SHROOM2: variants seen among roughly 807,000 people sequenced by gnomAD.
SHROOM2 encodes protein Shroom2.
SHROOM2 carries 33 observed loss-of-function variants against 75.9 expected under a neutral mutation model. The ratio of observed to expected loss-of-function variants is 0.43; its 90% CI spans 0.33 to 0.58. The LOEUF is 0.58. SHROOM2 is among the 20% of genes least tolerant of loss of function. The pLI, the probability that SHROOM2 is intolerant of heterozygous loss-of-function variation, is 0.04. For synonymous variants in SHROOM2, 655 were observed against 663.6 expected (o/e 0.99, Z 0.20); for missense variants, 1,434 against 1,461.2 (o/e 0.98, Z 0.30).
intron 8 of SHROOM2, among the ~76,000 whole-genome samples, chrX:9,939,900 C>T (rs928237327): frequency 4.5e-5 from 5 of 110,051 alleles, no homozygotes; most frequent in African/African-American, 1.3e-4. Flanking sequence ...AATTCTCCTA[C>T]CTCAGCCCCT....
chrX:9,942,224 C>T (rs1039318297), intron 8 of SHROOM2, among the ~76,000 whole-genome samples: 1 of 111,805 alleles, frequency 8.9e-6, no homozygotes, highest in African/African-American at 3.3e-5. Flanking sequence ...TAGGAAAAGG[C>T]ACAAACCACT....
At chrX:9,881,272 CAGTTAT>C (rs1234000915) in intron 2 of SHROOM2, among the ~76,000 whole-genome samples, 1 of 111,689 alleles carries the variant, frequency 9.0e-6, no homozygotes, top group Non-Finnish European at 1.9e-5. Context: ...CATTGGTCTG[CAGTTAT>C]AGTAAATGAC....
intron 1 of SHROOM2, among the ~76,000 whole-genome samples, chrX:9,788,140 T>C (rs1280789823): frequency 9.1e-6 from 1 of 110,421 alleles, no homozygotes; most frequent in Non-Finnish European, 1.9e-5. Context: ...CTCGAACTCC[T>C]CTGCCTCCCA....
intron 1 of SHROOM2, among the ~76,000 whole-genome samples, chrX:9,815,440 G>A (rs1432990166): frequency 1.9e-4 from 3 of 15,766 alleles, no homozygotes; most frequent in African/African-American, 5.2e-4. Context: ...TATTATGTGT[G>A]TGTGTGTGTG....
At chrX:9,920,103 ATCACTACAACTCATCAGACATCTCAAC>A (rs1465115044) in intron 5 of SHROOM2, among the ~76,000 whole-genome samples, 2 of 78,758 alleles carry the variant, frequency 2.5e-5, no homozygotes, top group African/African-American at 1.2e-4. Context: ...GACATCTCAA[ATCACTACAACTCATCAGACATCTCAAC>A]TCGCTACAAC....
chrX:9,939,191 C>T lies in SHROOM2; in HGVS notation c.4140-4C>T, dbSNP rs767597714. The T allele has an allele frequency of 1.3e-5, 15 of 1,197,113 alleles. No individual in the cohort carries two copies. The Admixed American group carries it at 3.4e-4, about 27-fold the overall frequency. On this transcript the variant is annotated splice_polypyrimidine_tract_variant and splice_region_variant and intron_variant, in intron 7 of 9. Coordinates refer to ENST00000380913, the MANE Select transcript of SHROOM2 (RefSeq NM_001649.4). ...CTCATTGAAGTTCCCACACCTTTAC[C>T]CAGGAAAGAGGAGCCCAGCGTGCCT...
rs778990126 is a variant in SHROOM2, at chrX:9,914,084, G to A, written c.2891+15794G>A. ...ACCCCCCTGCCCCCCCGCCCCTCCC[G>A]CCCCGATCACCACCAACCCAAACCA... On this transcript the variant is annotated intron_variant, in intron 5 of 9. Transcript: ENST00000380913. Among the ~76,000 whole-genome samples the A allele has an allele frequency of 6.3e-4, 9 of 14,287 alleles. No homozygotes were observed. The East Asian group carries it at 0.012, about 19-fold the overall frequency. The allele number at this position is 14,287 out of a possible 115,157, so 12.4% of individuals were successfully genotyped here. A position where few individuals can be genotyped will look rare whatever the true frequency, so the allele number is the denominator to read the frequency against.
chrX:9,875,004 C>T (rs1267128401), intron 2 of SHROOM2, among the ~76,000 whole-genome samples: 1 of 90,738 alleles, frequency 1.1e-5, no homozygotes, highest in African/African-American at 4.2e-5. Flanking sequence ...TTCTTTGAGC[C>T]TGGGAGGTCG....
chrX:9,873,681 C>T lies in SHROOM2; in HGVS notation c.195C>T (p.Val65=), dbSNP rs149912209. The T allele has an allele frequency of 1.5e-5, 18 of 1,209,825 alleles. No individual in the cohort carries two copies. The East Asian group carries it at 2.7e-4, about 18-fold the overall frequency. ...AAGAGGGCAGTAAAGCCGCGGCGGT[C>T]GACAAGTTACTGGCTGGAGATGAGA... ...KIEEGSKAAA[V]DKLLAGDEIV... The change falls in exon 2 of 10, where the codon GTC becomes GTT. Residue 65 remains valine (V), a synonymous_variant. Transcript: ENST00000380913.
In SHROOM2 at chrX:9,947,239, T is replaced by G; in HGVS notation, c.*302T>G. 2 of 307,533 alleles carry G rather than the reference T, an allele frequency of 6.5e-6. No individual in the cohort carries two copies. The highest frequency in any genetic ancestry group is 1.1e-5 in the Non-Finnish European group (2 of 178,090). 25.3% of individuals were successfully genotyped at this position (307,533 alleles called of 1,213,427 possible). A position where few individuals can be genotyped will look rare whatever the true frequency, so the allele number is the denominator to read the frequency against. On this transcript the variant is annotated 3_prime_UTR_variant, in exon 10 of 10. Coordinates refer to ENST00000380913, the MANE Select transcript of SHROOM2 (RefSeq NM_001649.4). The stretch of plus-strand genomic sequence containing the variant: ...GGCTGGGCCTGTGGTGCCTGCCGAG[T>G]GGTCACTGTCAGTGGGAAACCCGTT...
intron 2 of SHROOM2, among the ~76,000 whole-genome samples, chrX:9,886,725 C>A (rs12557532): frequency 0.11 from 12,373 of 110,238 alleles, 759 homozygotes; most frequent in East Asian, 0.38. Flanking sequence ...TCTAATGTCA[C>A]GTAGCATACC....
intron 4 of SHROOM2, among the ~76,000 whole-genome samples, chrX:9,897,680 C>CAAAAAAAAAAAAAA (rs56026461): frequency 2.1e-4 from 15 of 70,611 alleles, no homozygotes; most frequent in African/African-American, 9.0e-4. Flanking sequence ...GACCCTGTCT[C>CAAAAAAAAAAAAAA]AAAAAAAAAA....
At chrX:9,909,491 G>A (rs2084409847) in intron 5 of SHROOM2, among the ~76,000 whole-genome samples, 1 of 112,372 alleles carries the variant, frequency 8.9e-6, no homozygotes, top group Non-Finnish European at 1.9e-5. Context: ...GTGGCAAAGG[G>A]GACCGAGGAG....
At chrX:9,828,344 A>G (rs993491421) in intron 1 of SHROOM2, among the ~76,000 whole-genome samples, 2 of 112,305 alleles carry the variant, frequency 1.8e-5, no homozygotes, top group Non-Finnish European at 3.8e-5. Context: ...GAACCGAACC[A>G]TATCAAGGGC....
Position 9,896,960 on chromosome X carries a change from C to G in SHROOM2, c.2790+262C>G, listed in dbSNP as rs1216282908. ...AATCTCTGGCTTTAACTGAGTTTCC[C>G]CTTAAGTAGCTTGCTCCTACCTTCA... On this transcript the variant is annotated intron_variant, in intron 4 of 9. Transcript: ENST00000380913. Among the ~76,000 whole-genome samples the G allele has an allele frequency of 2.7e-5, 3 of 112,209 alleles. No individual in the cohort carries two copies. In the Admixed American group the frequency reaches 2.8e-4, roughly 11 times the overall value.
chrX:9,800,436 G>A (rs1484706657), intron 1 of SHROOM2, among the ~76,000 whole-genome samples: 1 of 110,619 alleles, frequency 9.0e-6, no homozygotes, highest in Non-Finnish European at 1.9e-5. Context: ...CGCTTCCCAG[G>A]TTCAAGTGAT....
At chrX:9,915,969 G>A (rs2084487387) in intron 5 of SHROOM2, among the ~76,000 whole-genome samples, 1 of 111,575 alleles carries the variant, frequency 9.0e-6, no homozygotes, top group Non-Finnish European at 1.9e-5. Context: ...TTACCACAGG[G>A]CCACCCAAAA....
Position 9,944,840 on chromosome X carries a change from C to CGCTGTCAG in SHROOM2, c.4514_4521dup (p.Arg1508CysfsTer34). ...GACAAAGTGGTGAACCTCCTGCTGTCGCTGTCAGGCCGCCTGGCCCGGGTG... is the reference window on the plus strand; with the variant it reads ...GACAAAGTGGTGAACCTCCTGCTGTCGCTGTCAGGCTGTCAGGCCGCCTGGCCCGGGTG... On this transcript the variant is annotated frameshift_variant, in exon 9 of 10. Coordinates refer to ENST00000380913, the MANE Select transcript of SHROOM2 (RefSeq NM_001649.4). LOFTEE classifies it high-confidence loss of function. The CGCTGTCAG allele has an allele frequency of 8.3e-7, 1 of 1,211,623 alleles. No individual in the cohort carries two copies. Among genetic ancestry groups the CGCTGTCAG allele is most frequent in the Non-Finnish European group, 1.1e-6 (1 of 895,207 alleles).
chrX:9,929,616 G>A (rs747438208), intron 5 of SHROOM2, among the ~76,000 whole-genome samples: 3 of 111,999 alleles, frequency 2.7e-5, no homozygotes, highest in Non-Finnish European at 5.6e-5. Flanking sequence ...GGTGGATCTC[G>A]GAGCACTTCT....
Sources: gnomAD v4.1 joint callset for allele counts (sites outside exome capture counted in the v4.1 genomes callset) on GRCh38, gnomAD v4.1.1 for gene constraint, MANE v1.5 for transcripts, NCBI Gene and HGNC (gene_info 2026-07-23, HGNC 2026-07-21) for gene names.